Variants in DNAI2 observed in about 807,000 individuals in gnomAD.
DNAI2 encodes the protein dynein, axonemal, intermediate polypeptide 2.
In DNAI2, 63 loss-of-function variants were observed where a neutral mutation model predicts 74.7. The ratio of observed to expected loss-of-function variants is 0.84; its 90% CI spans 0.69 to 1.04. DNAI2 has a LOEUF of 1.04. Ranked by LOEUF, DNAI2 falls within the 50% of genes least tolerant of loss-of-function variation. The pLI, the probability that DNAI2 is intolerant of heterozygous loss-of-function variation, is 0.00. For synonymous variants in DNAI2, 289 were observed against 314.9 expected (o/e 0.92, Z 0.87); for missense variants, 688 against 803.2 (o/e 0.86, Z 1.73).
chr17:74,296,831 A>G (rs1420332311), intron 6 of DNAI2, among the ~76,000 whole-genome samples: 1 of 152,182 alleles, frequency 6.6e-6, no homozygotes, highest in African/African-American at 2.4e-5. Flanking sequence ...TGAATTTTCA[A>G]GGCCACCACG....
At chr17:74,297,257 T>C (rs1252955224) in intron 6 of DNAI2, among the ~76,000 whole-genome samples, 1 of 151,412 alleles carries the variant, frequency 6.6e-6, no homozygotes, top group Non-Finnish European at 1.5e-5. Flanking sequence ...AGCTAATGTT[T>C]TGTATTTTTT....
intron 1 of DNAI2, among the ~76,000 whole-genome samples, chr17:74,276,040 A>G (rs1395594630): frequency 1.3e-5 from 2 of 152,124 alleles, no homozygotes; most frequent in South Asian, 2.1e-4. Flanking sequence ...AGGGAGTTCA[A>G]TGTGGAGGGC....
At chr17:74,308,503 G>A (rs1056395766) in intron 9 of DNAI2, among the ~76,000 whole-genome samples, 9 of 152,072 alleles carry the variant, frequency 5.9e-5, no homozygotes, top group African/African-American at 9.7e-5. Flanking sequence ...CAGCCCACGG[G>A]AAGGACTGTG....
At chr17:74,285,469 CCA>C (rs1450049433) in intron 3 of DNAI2, among the ~76,000 whole-genome samples, 1 of 152,124 alleles carries the variant, frequency 6.6e-6, no homozygotes, top group African/African-American at 2.4e-5. Context: ...CCAAAGTGCC[CCA>C]CCCAGCAGCC....
intron 6 of DNAI2, among the ~76,000 whole-genome samples, chr17:74,291,756 T>C (rs2052116048): frequency 6.6e-6 from 1 of 152,162 alleles, no homozygotes; most frequent in African/African-American, 2.4e-5. Context: ...GGAGCCCTAT[T>C]TTGGGAGAGG....
chr17:74,294,282 A>G (rs1005142135), intron 6 of DNAI2, among the ~76,000 whole-genome samples: 1 of 146,598 alleles, frequency 6.8e-6, no homozygotes, highest in African/African-American at 2.5e-5. Flanking sequence ...GTACCATTTT[A>G]ATTCCCTTAT....
chr17:74,285,290 C>T lies in DNAI2; in HGVS notation c.345+89C>T, dbSNP rs116307129. On this transcript the variant is annotated intron_variant, in intron 3 of 13. Transcript: ENST00000311014. Reference sequence around the variant, plus strand: ...CACTGCCCCAGCTGTGCCTGGCCATCGCTGTGAGGCTCGTGTGAATGCTGG... The same window carrying T: ...CACTGCCCCAGCTGTGCCTGGCCATTGCTGTGAGGCTCGTGTGAATGCTGG... 3,307 of 1,494,870 alleles carry T rather than the reference C, an allele frequency of 2.2e-3. 69 individuals are homozygous for T. In the African/African-American group the frequency reaches 0.041, roughly 19 times the overall value. The allele number at this position is 1,494,870 out of a possible 1,614,324, so 92.6% of individuals were successfully genotyped here. A position where few individuals can be genotyped will look rare whatever the true frequency, so the allele number is the denominator to read the frequency against.
chr17:74,309,498 T>C, intron 10 of DNAI2, 110 bp downstream of exon 10: 1 of 1,490,328 alleles, frequency 6.7e-7, no homozygotes, highest in Non-Finnish European at 9.3e-7. Context: ...GCCAGGTGTG[T>C]TTGGGCCTCT....
chr17:74,301,061 A>G lies in DNAI2; in HGVS notation c.880A>G (p.Ile294Val). The change falls in exon 8 of 14, where the codon ATC (isoleucine) becomes GTC (valine). Residue 294 changes from isoleucine (I) to valine (V), a missense_variant. Coordinates refer to ENST00000311014, the MANE Select transcript of DNAI2 (RefSeq NM_023036.6). The part of the protein sequence containing the change: ...STDGQVMWWD[I>V]RKMSEPTEVV... Reference sequence around the variant, plus strand: ...CTCCCACCAGGTCATGTGGTGGGACATCCGAAAGATGAGCGAGCCCACTGA... The same window carrying G: ...CTCCCACCAGGTCATGTGGTGGGACGTCCGAAAGATGAGCGAGCCCACTGA... 2 of 1,614,022 alleles carry G rather than the reference A, an allele frequency of 1.2e-6. No individual in the cohort carries two copies. The highest frequency in any genetic ancestry group is 1.7e-6 in the Non-Finnish European group (2 of 1,179,942).
At position 74,281,829 on chromosome 17, in the gene DNAI2, G is replaced by T. The variant is rs775567813; in HGVS notation, c.12G>T (p.Val4=). The change falls in exon 2 of 14, where the codon GTG becomes GTT. Residue 4 remains valine, a synonymous_variant. Transcript: ENST00000311014. ...CAGCAGCCGGCACCATGGAGATTGT[G>T]TACGTGTACGTCAAGAAGCGCAGCG... MEI[V]YVYVKKRSEF... is the part of the protein sequence containing the mutation. 1 of 1,613,998 alleles carries T rather than the reference G, an allele frequency of 6.2e-7. No homozygotes were observed. The highest frequency in any genetic ancestry group is 8.5e-7 in the Non-Finnish European group (1 of 1,180,014).
At position 74,310,131 on chromosome 17, in the gene DNAI2, C is replaced by T. The variant is rs61736879; in HGVS notation, c.1462C>T (p.Leu488Phe). 2,714 of 1,613,796 alleles carry T rather than the reference C, an allele frequency of 1.7e-3. 14 individuals are homozygous for T. The highest frequency in any genetic ancestry group is 0.014 in the African/African-American group (1,088 of 75,044). The change falls in exon 11 of 14, where the codon CTC becomes TTC. Residue 488 changes from leucine to phenylalanine, a missense_variant. Leu to Phe is a conservative substitution (Grantham distance 22). Coordinates refer to ENST00000311014, the MANE Select transcript of DNAI2 (RefSeq NM_023036.6). ...LLEVSPGLSTLQRNEKNVASS... is the reference protein window; with the variant it reads ...LLEVSPGLSTFQRNEKNVASS... ...GGAGGTCTCGCCTGGGCTCTCTACCCTCCAGAGGAATGAGAAGAACGTAGC... is the reference window on the plus strand; with the variant it reads ...GGAGGTCTCGCCTGGGCTCTCTACCTTCCAGAGGAATGAGAAGAACGTAGC...
chr17:74,301,069 G>A lies in DNAI2; in HGVS notation c.888G>A (p.Lys296=). ...AGGTCATGTGGTGGGACATCCGAAA[G>A]ATGAGCGAGCCCACTGAAGTTGTGA... ...DGQVMWWDIR[K]MSEPTEVVIL... The change falls in exon 8 of 14, where the codon AAG becomes AAA. Residue 296 remains lysine (K), a synonymous_variant. Transcript: ENST00000311014. 6.2e-7 allele frequency: 1 copy of A among 1,614,076 alleles called. No homozygotes were observed.
intron 8 of DNAI2, among the ~76,000 whole-genome samples, chr17:74,302,672 G>A (rs1241064866): frequency 6.6e-6 from 1 of 152,340 alleles, no homozygotes; most frequent in African/African-American, 2.4e-5. Flanking sequence ...AGACTTCCTC[G>A]CTAGAGTAAG....
intron 1 of DNAI2, among the ~76,000 whole-genome samples, chr17:74,278,787 G>T (rs1479169124): frequency 4.0e-5 from 6 of 151,606 alleles, no homozygotes; most frequent in Admixed American, 3.3e-4. Flanking sequence ...AAAAAAGAAA[G>T]AAAAGAAAAG....
At chr17:74,296,805 T>A (rs1246443236) in intron 6 of DNAI2, among the ~76,000 whole-genome samples, 1 of 152,142 alleles carries the variant, frequency 6.6e-6, no homozygotes, top group East Asian at 1.9e-4. Flanking sequence ...CTGTTTTTCA[T>A]CAGGAGTGCA....
At chr17:74,302,296 G>A (rs918845798) in intron 8 of DNAI2, among the ~76,000 whole-genome samples, 32 of 151,790 alleles carry the variant, frequency 2.1e-4, no homozygotes, top group African/African-American at 6.5e-4. Flanking sequence ...GGCCAGGCAC[G>A]GTGGCTCACA....
Position 74,299,750 on chromosome 17 carries a change from G to T in DNAI2, c.757G>T (p.Ala253Ser). ...CWDTRKGSLV[A>S]ELSTIESSHR... ...GGACACCCGAAAGGGCAGCCTGGTG[G>T]CGGAGCTATCCACCATTGAGTCCAG... The change falls in exon 7 of 14, where the codon GCG becomes TCG. Residue 253 changes from alanine to serine, a missense_variant. Transcript: ENST00000311014. 6.2e-7 allele frequency: 1 copy of T among 1,613,438 alleles called. No homozygotes were observed. Among genetic ancestry groups the T allele is most frequent in the Non-Finnish European group, 8.5e-7 (1 of 1,180,018 alleles).
At chr17:74,287,162 A>G in intron 4 of DNAI2, 64 bp downstream of exon 4, 2 of 1,599,536 alleles carry the variant, frequency 1.3e-6, no homozygotes, top group East Asian at 4.5e-5. Flanking sequence ...GGCGCCTCCA[A>G]AGGCAACTCC....
intron 4 of DNAI2, among the ~76,000 whole-genome samples, chr17:74,287,814 G>A (rs1245377596): frequency 6.6e-6 from 1 of 152,188 alleles, no homozygotes; most frequent in Non-Finnish European, 1.5e-5. Context: ...AATTAACTGG[G>A]TGTGGTGGCA....
Sources: allele counts gnomAD v4.1 joint callset (sites outside exome capture counted in the v4.1 genomes callset), GRCh38; gene constraint gnomAD v4.1.1; transcripts MANE v1.5; gene names NCBI Gene and HGNC (gene_info 2026-07-23, HGNC 2026-07-21).